NRAP: variants seen among roughly 807,000 people sequenced by gnomAD.
NRAP encodes nebulin related anchoring protein.
In NRAP, 189 loss-of-function variants were observed where a neutral mutation model predicts 225.9. The observed-to-expected ratio is 0.84, with a 90% CI of 0.74 to 0.94. The LOEUF (loss-of-function observed/expected upper bound fraction) is 0.94, where lower values mean the gene tolerates loss of function less well. Among genes scored for constraint, NRAP ranks in the 40% least tolerant of loss-of-function variants. NRAP has a pLI of 0.00. For synonymous variants in NRAP, 769 were observed against 790.7 expected (o/e 0.97, Z 0.46); for missense variants, 2,176 against 2,168.7 (o/e 1.00, Z -0.07).
intron 15 of NRAP, 81 bp from the exon 16 acceptor site, chr10:113,633,269 A>G: frequency 1.3e-6 from 1 of 792,598 alleles, no homozygotes; most frequent in Admixed American, 1.9e-5. Context: ...TTTCCCCCTT[A>G]GACCCATAGT....
At chr10:113,607,248 A>AC (rs1485119548) in intron 32 of NRAP, among the ~76,000 whole-genome samples, 1 of 150,186 alleles carries the variant, frequency 6.7e-6, no homozygotes, top group Non-Finnish European at 1.5e-5. Flanking sequence ...AAAAACAAAA[A>AC]AAAATTAGCC....
At chr10:113,613,254 G>GA (rs562848524) in intron 29 of NRAP, among the ~76,000 whole-genome samples, 57 of 145,524 alleles carry the variant, frequency 3.9e-4, no homozygotes, top group East Asian at 2.4e-3. Context: ...AGATGGAAAG[G>GA]AAAAAAAAAA....
chr10:113,634,084 A>G, intron 15 of NRAP, 28 bp downstream of exon 15: 1 of 1,508,526 alleles, frequency 6.6e-7, no homozygotes. Context: ...AGACCCCTAC[A>G]TCCAGCTGGG....
At chr10:113,592,844 G>C (rs1028146222) in intron 38 of NRAP, among the ~76,000 whole-genome samples, 5 of 152,204 alleles carry the variant, frequency 3.3e-5, no homozygotes, top group Non-Finnish European at 5.9e-5. Context: ...TGCACGAAGG[G>C]AAGAGCCTTC....
intron 35 of NRAP, among the ~76,000 whole-genome samples, chr10:113,601,784 T>A (rs904928986): frequency 2.0e-5 from 3 of 152,192 alleles, no homozygotes; most frequent in African/African-American, 4.8e-5. Context: ...GTAAAAAAAA[T>A]TTGACATTAT....
chr10:113,606,209 C>T lies in NRAP; in HGVS notation c.3776G>A (p.Arg1259Gln), dbSNP rs879000889. Residue 1259 changes from arginine (R) to glutamine (Q), a missense_variant, in exon 33 of 42, where the codon CGA becomes CAA. This residue lies in a region of NRAP where 1,708 missense variants were observed against 1,695.5 expected (regional missense o/e 1.01). Transcript: ENST00000359988. ...CAGGTTGGCTGCATTCGTTTTTGCTCGGATGAACTCGGGCAGACCCAGGGT... is the reference window on the plus strand; with the variant it reads ...CAGGTTGGCTGCATTCGTTTTTGCTTGGATGAACTCGGGCAGACCCAGGGT... ...TMTLGLPEFI[R>Q]AKTNAANLSD... 15 of 1,614,034 alleles carry T rather than the reference C, an allele frequency of 9.3e-6. No homozygotes were observed. The highest frequency in any genetic ancestry group is 2.2e-5 in the East Asian group (1 of 44,870).
chr10:113,654,747 T>G (rs1307449223), intron 4 of NRAP, among the ~76,000 whole-genome samples: 2 of 152,148 alleles, frequency 1.3e-5, no homozygotes, highest in Non-Finnish European at 2.9e-5. Flanking sequence ...GGGCAATTAG[T>G]AGAGGCCAAG....
intron 34 of NRAP, among the ~76,000 whole-genome samples, 161 bp downstream of exon 34, chr10:113,605,601 C>T (rs1846910503): frequency 1.3e-5 from 2 of 152,196 alleles, no homozygotes; most frequent in Admixed American, 1.3e-4. Flanking sequence ...TTTCTTTTCC[C>T]CCCTCAAAGA....
At chr10:113,609,585 C>T (rs561234920) in intron 31 of NRAP, among the ~76,000 whole-genome samples, 1 of 152,312 alleles carries the variant, frequency 6.6e-6, no homozygotes, top group African/African-American at 2.4e-5. Context: ...GAAATTATCA[C>T]CATTTCAAGC....
At chr10:113,590,424 T>C (rs903513873) in intron 40 of NRAP, among the ~76,000 whole-genome samples, 154 bp downstream of exon 40, 5 of 152,188 alleles carry the variant, frequency 3.3e-5, no homozygotes, top group East Asian at 1.9e-4. Flanking sequence ...GTGGTTATTA[T>C]TGTTATTCTT....
intron 25 of NRAP, among the ~76,000 whole-genome samples, chr10:113,619,098 G>C (rs1271231480): frequency 6.6e-6 from 1 of 152,188 alleles, no homozygotes; most frequent in Admixed American, 6.5e-5. Context: ...GCCCATCAAA[G>C]AGGATAAGCA....
Position 113,604,743 on chromosome 10 carries a change from G to T in NRAP, c.4093C>A (p.His1365Asn), listed in dbSNP as rs756796323. 3.1e-6 allele frequency: 5 copies of T among 1,614,198 alleles called. No individual in the cohort carries two copies. Among genetic ancestry groups the T allele is most frequent in the Non-Finnish European group, 4.2e-6 (5 of 1,180,040 alleles). The change falls in exon 35 of 42, where the codon CAC becomes AAC. Residue 1365 changes from histidine to asparagine, a missense_variant. His to Asn is a moderately conservative substitution (Grantham distance 68, BLOSUM62 1). This residue lies in a region of NRAP where 1,708 missense variants were observed against 1,695.5 expected (regional missense o/e 1.01). Coordinates refer to ENST00000359988, the MANE Select transcript of NRAP (RefSeq NM_198060.4). ...AQFHLPMDMV[H>N]LVHAKNAQAL... Reference sequence around the variant, plus strand: ...TGGGCATTCTTGGCATGGACCAGGTGCACCATGTCCATGGGCAGATGGAAC... The same window carrying T: ...TGGGCATTCTTGGCATGGACCAGGTTCACCATGTCCATGGGCAGATGGAAC...
rs143234194 is a variant in NRAP at position 113,622,143 on chromosome 10, T to G, written c.2495A>C (p.Lys832Thr). 1.3e-5 allele frequency: 21 copies of G among 1,613,924 alleles called. No individual in the cohort carries two copies. In the African/African-American group the frequency reaches 2.8e-4, roughly 22 times the overall value. Residue 832 changes from lysine (K) to threonine (T), a missense_variant, in exon 24 of 42, where the codon AAG (lysine) becomes ACG (threonine). Lys to Thr is a moderately conservative substitution (Grantham distance 78). This residue lies in a region of NRAP where 1,708 missense variants were observed against 1,695.5 expected (regional missense o/e 1.01). Transcript: ENST00000359988. The stretch of plus-strand genomic sequence containing the variant: ...CTGTACATCTTTTGCCCCAATGAGC[T>G]TCCCTCTGGATCTCTCATAATCCTC... ...YKEDYERSRGKLIGAKDVQGD... is the reference protein window; with the variant it reads ...YKEDYERSRGTLIGAKDVQGD...
At position 113,596,148 on chromosome 10, in the gene NRAP, T is replaced by C. The variant is rs190153082; in HGVS notation, c.4432-421A>G. Among the ~76,000 whole-genome samples the C allele has an allele frequency of 3.3e-4, 50 of 152,324 alleles. No individual in the cohort carries two copies. In the East Asian group the frequency reaches 7.5e-3, roughly 23 times the overall value. On this transcript the variant is annotated intron_variant, in intron 37 of 41. Coordinates refer to ENST00000359988, the MANE Select transcript of NRAP (RefSeq NM_198060.4). ...AACATTAATGGTGATAATTATAATA[T>C]GCATAGTTAATAAGTTCTTTTTGTT...
intron 32 of NRAP, among the ~76,000 whole-genome samples, chr10:113,606,757 C>A (rs1846992364): frequency 1.3e-5 from 2 of 152,144 alleles, no homozygotes; most frequent in African/African-American, 4.8e-5. Context: ...ACAAAAACAT[C>A]CATTCTTATG....
chr10:113,655,986 C>T (rs879739470), intron 4 of NRAP, among the ~76,000 whole-genome samples: 1 of 152,134 alleles, frequency 6.6e-6, no homozygotes, highest in Non-Finnish European at 1.5e-5. Context: ...CAAGGACATT[C>T]GAAAGTTAAC....
At position 113,590,820 on chromosome 10, in the gene NRAP, G is replaced by A. The variant is rs1338015177; in HGVS notation, c.4714C>T (p.Pro1572Ser). ...QIGYRSVDDD[P>S]RMKHFLNVGR... ...ACGTTGAGGAAATGCTTCATCCTTG[G>A]GTCATCGTCGACACTGCGGTACCCG... The change falls in exon 40 of 42, where the codon CCA (proline) becomes TCA (serine). Residue 1572 changes from proline to serine, a missense_variant. Transcript: ENST00000359988. 1.9e-6 allele frequency: 3 copies of A among 1,614,070 alleles called. No homozygotes were observed. The African/African-American group carries it at 4.0e-5, about 22-fold the overall frequency.
intron 36 of NRAP, among the ~76,000 whole-genome samples, chr10:113,597,706 T>A (rs879815789): frequency 6.6e-6 from 1 of 152,184 alleles, no homozygotes; most frequent in Non-Finnish European, 1.5e-5. Flanking sequence ...ATACAAAGAA[T>A]GGGCCAGTTT....
chr10:113,592,647 A>G (rs1846059530), intron 38 of NRAP, among the ~76,000 whole-genome samples: 1 of 152,174 alleles, frequency 6.6e-6, no homozygotes, highest in Admixed American at 6.5e-5. Flanking sequence ...TGCAGCTTCT[A>G]GGTGCCAGAA....
Sources: gnomAD v4.1 joint callset for allele counts (sites outside exome capture counted in the v4.1 genomes callset) on GRCh38, gnomAD v4.1.1 for gene constraint, gnomAD v4.1.1 regional missense constraint, MANE v1.5 for transcripts, NCBI Gene and HGNC (gene_info 2026-07-23, HGNC 2026-07-21) for gene names.